FBXO27: variants seen among roughly 807,000 people sequenced by gnomAD.
FBXO27 encodes F-box only protein 27.
FBXO27 carries 28 observed loss-of-function variants against 28.3 expected under a neutral mutation model. The observed-to-expected ratio is 0.99, with a 90% CI of 0.73 to 1.36. The LOEUF is 1.36. Ranked by LOEUF, FBXO27 falls within the 40% of genes most tolerant of loss-of-function variation. The pLI is 0.00. For synonymous variants in FBXO27, 175 were observed against 167.3 expected (o/e 1.05, Z -0.36); for missense variants, 388 against 394.1 (o/e 0.98, Z 0.13).
chr19:39,030,232 C>CA (rs1317006799), intron 4 of FBXO27, among the ~76,000 whole-genome samples: 2 of 151,896 alleles, frequency 1.3e-5, no homozygotes, highest in African/African-American at 2.4e-5. Flanking sequence ...GATCAAGGTT[C>CA]AAAAAAAGGT....
chr19:39,019,068 CAA>C (rs71167615), downstream of FBXO27, among the ~76,000 whole-genome samples: 61,755 of 124,520 alleles, frequency 0.5, 14,378 homozygotes, highest in Middle Eastern at 0.58. Flanking sequence ...GACTCTATCA[CAA>C]AAAAAAAAAA....
intron 2 of FBXO27, among the ~76,000 whole-genome samples, chr19:39,009,871 G>A (rs371032956): frequency 6.6e-6 from 1 of 151,878 alleles, no homozygotes; most frequent in Admixed American, 6.6e-5. Context: ...GTGCAGTGGC[G>A]TGATCTCAGC....
intron 2 of FBXO27, among the ~76,000 whole-genome samples, chr19:39,014,104 G>T (rs997750902): frequency 1.3e-5 from 2 of 152,190 alleles, no homozygotes; most frequent in African/African-American, 4.8e-5. Flanking sequence ...TAGGTCCCAC[G>T]GAGGGTGCCC....
At chr19:39,006,208 G>A (rs557089820) in intron 2 of FBXO27, among the ~76,000 whole-genome samples, 1 of 152,188 alleles carries the variant, frequency 6.6e-6, no homozygotes, top group Non-Finnish European at 1.5e-5. Context: ...GATCACTTGA[G>A]GTCAGGAGTT....
chr19:39,017,432 G>A (rs1027132086), intron 1 of FBXO27, among the ~76,000 whole-genome samples: 1 of 152,074 alleles, frequency 6.6e-6, no homozygotes, highest in South Asian at 2.1e-4. Flanking sequence ...AGTAGCTCAC[G>A]CCTGTAATCC....
intron 3 of FBXO27, 29 bp downstream of exon 3, chr19:39,031,180 C>T (rs745721029): frequency 6.1e-5 from 99 of 1,613,300 alleles, no homozygotes; most frequent in Non-Finnish European, 7.3e-5. Flanking sequence ...CAACAAGGGG[C>T]CGGACCTTTG....
chr19:39,008,864 A>G (rs2072782101), intron 2 of FBXO27, among the ~76,000 whole-genome samples: 1 of 152,212 alleles, frequency 6.6e-6, no homozygotes, highest in African/African-American at 2.4e-5. Context: ...TCCATCGCCC[A>G]GGCTGGAGTG....
downstream of FBXO27, among the ~76,000 whole-genome samples, chr19:39,020,871 C>T (rs62119463): frequency 1.7e-4 from 25 of 148,950 alleles, no homozygotes; most frequent in African/African-American, 5.4e-4. Context: ...TTTTTTTTCC[C>T]TGAGATGGAG....
rs746399711 is a variant in FBXO27 at position 39,027,009 on chromosome 19, T to A, written c.573-4A>T. 1.9e-6 allele frequency: 3 copies of A among 1,614,056 alleles called. No homozygotes were observed. The highest frequency in any genetic ancestry group is 2.5e-6 in the Non-Finnish European group (3 of 1,179,968). ...GCTGTCGTGTCGGGCTCCCCACCTG[T>A]GGGAGGAAGGAGCCATGAAGGCTGG... On this transcript the variant is annotated splice_polypyrimidine_tract_variant and splice_region_variant and intron_variant, in intron 4 of 5. Coordinates refer to ENST00000292853, the MANE Select transcript of FBXO27 (RefSeq NM_178820.5).
At chr19:39,014,798 G>A (rs566152790) in intron 1 of FBXO27, among the ~76,000 whole-genome samples, 16 of 151,896 alleles carry the variant, frequency 1.1e-4, no homozygotes, top group African/African-American at 2.9e-4. Flanking sequence ...ACCACAGACC[G>A]GGAGAAGGGA....
intron 1 of FBXO27, among the ~76,000 whole-genome samples, chr19:39,016,592 G>GA (rs34873154): frequency 0.61 from 68,273 of 112,168 alleles, 19,778 homozygotes; most frequent in Middle Eastern, 0.66. Flanking sequence ...TCTCTAATTT[G>GA]AAAAAAAAAA....
At position 39,027,155 on chromosome 19, in the gene FBXO27, T is replaced by C. The variant is rs956815716; in HGVS notation, c.573-150A>G. 8 of 992,230 alleles carry C rather than the reference T, an allele frequency of 8.1e-6. No homozygotes were observed. In the East Asian group the frequency reaches 1.8e-4, roughly 22 times the overall value. 61.5% of individuals were successfully genotyped at this position (992,230 alleles called of 1,614,324 possible). A position where few individuals can be genotyped will look rare whatever the true frequency, so the allele number is the denominator to read the frequency against. ...TGATCTCTGGACCTTTGGAATGTTG[T>C]GTCAGACAGGAGTGTCTTTGATGGG... is the stretch of plus-strand genomic sequence containing the variant. On this transcript the variant is annotated intron_variant, in intron 4 of 5. Coordinates refer to ENST00000292853, the MANE Select transcript of FBXO27 (RefSeq NM_178820.5).
At position 39,025,439 on chromosome 19, in the gene FBXO27, C is replaced by A; in HGVS notation, c.824G>T (p.Ser275Ile). 1 of 1,614,054 alleles carries A rather than the reference C, an allele frequency of 6.2e-7. No individual in the cohort carries two copies. Among genetic ancestry groups the A allele is most frequent in the Non-Finnish European group, 8.5e-7 (1 of 1,180,002 alleles). Residue 275 changes from serine to isoleucine, a missense_variant, in exon 6 of 6, where the codon AGT becomes ATT. Physicochemically the swap from Ser to Ile is moderately radical, Grantham distance 142. Coordinates refer to ENST00000292853, the MANE Select transcript of FBXO27 (RefSeq NM_178820.5). ...GHYGARVTNS[S>I]VIVRVRLS The stretch of plus-strand genomic sequence containing the variant: ...GGACAGACGGACTCGCACGATCACA[C>A]TGGAGTTGGTCACACGGGCTCCATA...
chr19:39,016,345 T>C (rs778184959), intron 1 of FBXO27, among the ~76,000 whole-genome samples: 24 of 151,036 alleles, frequency 1.6e-4, no homozygotes, highest in Non-Finnish European at 3.1e-4. Context: ...GTGGGGGATG[T>C]TGATAGCGGG....
chr19:39,012,924 C>T (rs1167668283), intron 2 of FBXO27, among the ~76,000 whole-genome samples: 2 of 152,044 alleles, frequency 1.3e-5, no homozygotes, highest in Non-Finnish European at 2.9e-5. Context: ...GGCGCTACTG[C>T]ACTCCAGCCT....
downstream of FBXO27, among the ~76,000 whole-genome samples, chr19:39,022,765 T>C (rs970188847): frequency 1.2e-4 from 18 of 151,772 alleles, no homozygotes; most frequent in Non-Finnish European, 2.6e-4. Context: ...TACAGGCACC[T>C]GCTGCCACGA....
At chr19:39,012,522 G>C (rs1262679715) in intron 2 of FBXO27, among the ~76,000 whole-genome samples, 1 of 152,136 alleles carries the variant, frequency 6.6e-6, no homozygotes, top group Non-Finnish European at 1.5e-5. Context: ...CATCCAGAAG[G>C]GTTGGATACA....
chr19:39,011,692 GC>G (rs3082511), intron 2 of FBXO27, among the ~76,000 whole-genome samples: 111,734 of 144,960 alleles, frequency 0.77, 43,664 homozygotes, highest in South Asian at 0.87. Flanking sequence ...AGAGATGGCG[GC>G]GGGGGAGGGG....
intron 1 of FBXO27, among the ~76,000 whole-genome samples, chr19:39,018,595 T>C (rs1427249126): frequency 6.6e-6 from 1 of 151,984 alleles, no homozygotes; most frequent in Non-Finnish European, 1.5e-5. Context: ...ACGAGAGAGT[T>C]GATTTGCTTG....
Sources: gnomAD v4.1 joint callset for allele counts (sites outside exome capture counted in the v4.1 genomes callset) on GRCh38, gnomAD v4.1.1 for gene constraint, MANE v1.5 for transcripts, NCBI Gene and HGNC (gene_info 2026-07-23, HGNC 2026-07-21) for gene names.